Variants in LRRC7 observed in about 807,000 individuals in gnomAD.
The protein encoded by LRRC7 is leucine-rich repeat-containing protein 7.
A neutral mutation model predicts 175.7 loss-of-function variants in LRRC7; 23 were observed. The observed-to-expected ratio is 0.13, with a 90% CI of 0.09 to 0.19. LRRC7 has a LOEUF of 0.19. LRRC7 is among the 10% of genes least tolerant of loss of function. The pLI, the probability that LRRC7 is intolerant of heterozygous loss-of-function variation, is 1.00. For missense variants in LRRC7, 1,354 were observed against 1,904.7 expected (o/e 0.71, Z 5.38); for synonymous variants, 685 against 680.9 (o/e 1.01, Z -0.09).
rs570002649 is a variant in LRRC7 at position 70,122,785 on chromosome 1, T to C, written c.*898T>C. 2 of 152,618 alleles carry C rather than the reference T, an allele frequency of 1.3e-5. No homozygotes were observed. Among genetic ancestry groups the C allele is most frequent in the South Asian group, 4.1e-4 (2 of 4,828 alleles). 9.5% of individuals were successfully genotyped at this position (152,618 alleles called of 1,614,324 possible). On this transcript the variant is annotated 3_prime_UTR_variant, in exon 27 of 27. Coordinates refer to ENST00000651989, the MANE Select transcript of LRRC7 (RefSeq NM_001370785.2). ...GATTATAAACTGTAGCCCCTGTGATTTCTTTACTTGTAAATGTGGAATTTA... is the reference window on the plus strand; with the variant it reads ...GATTATAAACTGTAGCCCCTGTGATCTCTTTACTTGTAAATGTGGAATTTA...
At chr1:69,780,190 T>C (rs561119928) in intron 3 of LRRC7, among the ~76,000 whole-genome samples, 50 of 152,272 alleles carry the variant, frequency 3.3e-4, no homozygotes, top group African/African-American at 1.2e-3. Flanking sequence ...GATGTTAGTG[T>C]GGGAGAGTAA....
intron 4 of LRRC7, among the ~76,000 whole-genome samples, chr1:69,817,194 T>A (rs1350394015): frequency 2.6e-5 from 4 of 152,136 alleles, no homozygotes; most frequent in Middle Eastern, 3.4e-3. Flanking sequence ...GTCAAGGAGC[T>A]CTACCCCTAC....
chr1:70,068,943 A>T (rs1276909988), intron 23 of LRRC7, among the ~76,000 whole-genome samples: 1 of 152,114 alleles, frequency 6.6e-6, no homozygotes, highest in Non-Finnish European at 1.5e-5. Context: ...GAGAATTCTT[A>T]TTTAAATATT....
chr1:69,581,556 A>C (rs1222354924), intron 1 of LRRC7, among the ~76,000 whole-genome samples: 2 of 152,220 alleles, frequency 1.3e-5, no homozygotes, highest in Non-Finnish European at 2.9e-5. Flanking sequence ...TCCGTGTATA[A>C]CTAGAACATT....
At chr1:69,631,584 C>T (rs1002974585) in intron 1 of LRRC7, among the ~76,000 whole-genome samples, 1 of 152,060 alleles carries the variant, frequency 6.6e-6, no homozygotes, top group Non-Finnish European at 1.5e-5. Flanking sequence ...ACAGTCGCTT[C>T]TTTCCCCTCT....
At chr1:69,916,019 C>A (rs1336483893) in intron 7 of LRRC7, among the ~76,000 whole-genome samples, 2 of 126,996 alleles carry the variant, frequency 1.6e-5, no homozygotes, top group South Asian at 2.4e-4. Context: ...GTGGTCTTAG[C>A]TATTTTATAT....
chr1:70,038,772 A>G lies in LRRC7; in HGVS notation c.2948A>G (p.Lys983Arg). Residue 983 changes from lysine (K) to arginine (R), a missense_variant, in exon 21 of 27, where the codon AAA becomes AGA. Physicochemically the swap from Lys to Arg is conservative, Grantham distance 26. Coordinates refer to ENST00000651989, the MANE Select transcript of LRRC7 (RefSeq NM_001370785.2). The stretch of plus-strand genomic sequence containing the variant: ...AAAGATATCAAGTCTAATAAATTCA[A>G]AAAGTCACAGAGTATCGATGAGATT... ...LMKDIKSNKF[K>R]KSQSIDEIDI... is the part of the protein sequence containing the mutation. 1 of 1,613,996 alleles carries G rather than the reference A, an allele frequency of 6.2e-7. No individual in the cohort carries two copies. Among genetic ancestry groups the G allele is most frequent in the Non-Finnish European group, 8.5e-7 (1 of 1,179,984 alleles).
rs1292231336 is a variant in LRRC7 at position 70,129,202 on chromosome 1, G to T, written c.*7315G>T. 6.6e-6 allele frequency among the ~76,000 whole-genome samples: 1 copy of T among 151,466 alleles called. No homozygotes were observed. Among genetic ancestry groups the T allele is most frequent in the Non-Finnish European group, 1.5e-5 (1 of 67,938 alleles). On this transcript the variant is annotated 3_prime_UTR_variant, in exon 27 of 27. Coordinates refer to ENST00000651989, the MANE Select transcript of LRRC7 (RefSeq NM_001370785.2). ...GCGGAGGTTGCAGTGAGCTGAGATG[G>T]CGCCACAGCTCTCCAGCCTGGGTGA...
At chr1:69,904,756 G>A (rs975280289) in intron 7 of LRRC7, among the ~76,000 whole-genome samples, 2 of 152,016 alleles carry the variant, frequency 1.3e-5, no homozygotes, top group African/African-American at 4.8e-5. Context: ...TTGATGTACA[G>A]ATTATTTTGT....
At chr1:70,021,826 T>A (rs1657534074) in intron 16 of LRRC7, among the ~76,000 whole-genome samples, 1 of 152,186 alleles carries the variant, frequency 6.6e-6, no homozygotes, top group Admixed American at 6.5e-5. Flanking sequence ...TGATTTAGAT[T>A]TTCTCAACAT....
At chr1:70,083,975 T>C (rs1415558933) in intron 24 of LRRC7, among the ~76,000 whole-genome samples, 1 of 152,188 alleles carries the variant, frequency 6.6e-6, no homozygotes, top group Admixed American at 6.5e-5. Context: ...ACTAAAGTGA[T>C]CTTTTTTAAT....
chr1:69,904,545 T>C (rs1283880940), intron 7 of LRRC7, among the ~76,000 whole-genome samples: 2 of 146,856 alleles, frequency 1.4e-5, no homozygotes, highest in Non-Finnish European at 3.0e-5. Flanking sequence ...CCTAAATGAT[T>C]TATAAAAATT....
chr1:69,694,142 G>A (rs1255984220), intron 2 of LRRC7, among the ~76,000 whole-genome samples: 1 of 152,064 alleles, frequency 6.6e-6, no homozygotes, highest in African/African-American at 2.4e-5. Context: ...CTTTTCCAAG[G>A]CCTCTTGTAA....
intron 8 of LRRC7, among the ~76,000 whole-genome samples, chr1:69,947,876 TA>T (rs921763957): frequency 2.0e-5 from 3 of 152,112 alleles, no homozygotes; most frequent in Non-Finnish European, 2.9e-5. Context: ...AGAACAATTA[TA>T]ACAATATACT....
chr1:69,917,937 T>C (rs547176216), intron 7 of LRRC7, among the ~76,000 whole-genome samples: 9 of 152,338 alleles, frequency 5.9e-5, no homozygotes, highest in Non-Finnish European at 1.3e-4. Flanking sequence ...AGTATTTTCA[T>C]TATTTCTCTT....
chr1:69,738,232 C>T (rs1304208590), intron 2 of LRRC7, among the ~76,000 whole-genome samples: 1 of 151,882 alleles, frequency 6.6e-6, no homozygotes, highest in East Asian at 1.9e-4. Flanking sequence ...TTAGAGGGAA[C>T]GTTTCTCTTT....
At chr1:69,828,558 G>C (rs1310074781) in intron 5 of LRRC7, among the ~76,000 whole-genome samples, 1 of 151,764 alleles carries the variant, frequency 6.6e-6, no homozygotes, top group Non-Finnish European at 1.5e-5. Flanking sequence ...TTTATAATCT[G>C]TATTGCTTTA....
chr1:69,956,476 A>G (rs909978448), intron 8 of LRRC7, among the ~76,000 whole-genome samples: 2 of 151,860 alleles, frequency 1.3e-5, no homozygotes, highest in Non-Finnish European at 2.9e-5. Context: ...AAGTATTTTA[A>G]GTTCTGAGTA....
chr1:69,743,605 T>C (rs1668949539), intron 2 of LRRC7, among the ~76,000 whole-genome samples: 2 of 151,948 alleles, frequency 1.3e-5, no homozygotes, highest in South Asian at 2.1e-4. Context: ...ATTTGTGACA[T>C]TGAAAGTGGG....
Sources: gnomAD v4.1 joint callset for allele counts (sites outside exome capture counted in the v4.1 genomes callset) on GRCh38, gnomAD v4.1.1 for gene constraint, MANE v1.5 for transcripts, NCBI Gene and HGNC (gene_info 2026-07-23, HGNC 2026-07-21) for gene names.